Variants in FRMD3 observed in about 807,000 individuals in gnomAD.
FRMD3 encodes the protein FERM domain containing 3, also known as FERM domain-containing protein 3.
A neutral mutation model predicts 70.2 loss-of-function variants in FRMD3; 33 were observed. The ratio of observed to expected loss-of-function variants is 0.47; its 90% CI spans 0.36 to 0.63. FRMD3 has a LOEUF of 0.63. FRMD3 is among the 20% of genes least tolerant of loss of function. The probability of loss-of-function intolerance (pLI) is 0.00; values close to 1 mark genes in which losing one functional copy is unlikely to be tolerated. For synonymous variants in FRMD3, 279 were observed against 255.9 expected (o/e 1.09, Z -0.86); for missense variants, 632 against 711.4 (o/e 0.89, Z 1.27).
intron 3 of FRMD3, among the ~76,000 whole-genome samples, chr9:83,353,472 T>G (rs953542936): frequency 1.3e-5 from 2 of 152,096 alleles, no homozygotes; most frequent in Non-Finnish European, 2.9e-5. Flanking sequence ...TGCATGAGGG[T>G]ATAGAATAAT....
chr9:83,461,664 CCTTTTTTTTTTTTTTTTT>C lies in FRMD3; in HGVS notation c.148-71974_148-71957del, dbSNP rs1564088835. ...AAATCTTAATTCCTTCAGGAATTTCCCTTTTTTTTTTTTTTTTTTTTTTTTTTTTTTTTTTTTTTTTTG... is the reference window on the plus strand; with the variant it reads ...AAATCTTAATTCCTTCAGGAATTTCCTTTTTTTTTTTTTTTTTTTTTTTTG... On this transcript the variant is annotated intron_variant, in intron 1 of 13. Transcript: ENST00000304195. Among the ~76,000 whole-genome samples, 4 of 121,076 alleles carry C rather than the reference CCTTTTTTTTTTTTTTTTT, an allele frequency of 3.3e-5. No homozygotes were observed. In the South Asian group the frequency reaches 1.1e-3, roughly 33 times the overall value. 79.4% of individuals were successfully genotyped at this position (121,076 alleles called of 152,430 possible).
intron 6 of FRMD3, among the ~76,000 whole-genome samples, chr9:83,335,053 GA>G (rs1214686265): frequency 1.3e-5 from 2 of 152,116 alleles, no homozygotes; most frequent in Non-Finnish European, 2.9e-5. Flanking sequence ...TCGCAGGTGA[GA>G]AAAAGAGGAT....
chr9:83,549,391 T>A, the FRMD3 span, among the ~76,000 whole-genome samples: 1 of 152,202 alleles, frequency 6.6e-6, no homozygotes, highest in Non-Finnish European at 1.5e-5. Context: ...TCCTTGCTAT[T>A]GTGAACAGTA....
intron 6 of FRMD3, among the ~76,000 whole-genome samples, chr9:83,328,308 C>A (rs1242539259): frequency 1.3e-5 from 2 of 152,108 alleles, no homozygotes; most frequent in Admixed American, 6.5e-5. Flanking sequence ...TGTTGCCACA[C>A]AGAAGTCAGG....
At chr9:83,264,906 G>T (rs956181075) in intron 13 of FRMD3, among the ~76,000 whole-genome samples, 1 of 151,734 alleles carries the variant, frequency 6.6e-6, no homozygotes, top group Non-Finnish European at 1.5e-5. Flanking sequence ...TAGATACCAC[G>T]TGAAATTGCC....
At chr9:83,415,708 C>T (rs1051603288) in intron 1 of FRMD3, among the ~76,000 whole-genome samples, 2 of 149,582 alleles carry the variant, frequency 1.3e-5, no homozygotes, top group Non-Finnish European at 3.0e-5. Context: ...GATCCACCTG[C>T]CTCGGCCTCC....
Position 83,425,921 on chromosome 9 carries a change from A to AAC in FRMD3, c.148-36214_148-36213insGT, listed in dbSNP as rs1308159218. Reference sequence around the variant, plus strand: ...AAACTCCGTCTCAAAAAAAAAAAAAAAAAAAAACAACCTTCCTGGCCCTTG... The same window carrying AAC: ...AAACTCCGTCTCAAAAAAAAAAAAAAACAAAAAAACAACCTTCCTGGCCCTTG... On this transcript the variant is annotated intron_variant, in intron 1 of 13. Coordinates refer to ENST00000304195, the MANE Select transcript of FRMD3 (RefSeq NM_174938.6). Among the ~76,000 whole-genome samples, 231 of 151,170 alleles carry AAC rather than the reference A, an allele frequency of 1.5e-3. 2 individuals are homozygous for AAC. The highest frequency in any genetic ancestry group is 6.3e-3 in the Admixed American group (95 of 15,150).
intron 13 of FRMD3, among the ~76,000 whole-genome samples, chr9:83,286,361 C>T (rs1198558779): frequency 2.0e-5 from 3 of 151,116 alleles, no homozygotes; most frequent in East Asian, 1.9e-4. Flanking sequence ...GACAGAGTTT[C>T]GCTCTTGTTG....
chr9:83,331,361 A>G (rs951367891), intron 6 of FRMD3, among the ~76,000 whole-genome samples: 29 of 152,224 alleles, frequency 1.9e-4, no homozygotes, highest in Non-Finnish European at 1.5e-5. Context: ...AAGACTACAC[A>G]TTGTATGATT....
chr9:83,551,096 T>A, the FRMD3 span, among the ~76,000 whole-genome samples: 28 of 152,320 alleles, frequency 1.8e-4, 4 homozygotes, highest in African/African-American at 6.7e-4. Context: ...CCATTCCATA[T>A]AATGTTGGCT....
chr9:83,308,407 C>G (rs79192202), intron 10 of FRMD3, among the ~76,000 whole-genome samples: 2,044 of 152,278 alleles, frequency 0.013, 62 homozygotes, highest in African/African-American at 0.046. Context: ...CCATCATTCT[C>G]CTGATGGTTC....
At chr9:83,273,138 A>C in intron 13 of FRMD3, among the ~76,000 whole-genome samples, 1 of 152,200 alleles carries the variant, frequency 6.6e-6, no homozygotes, top group African/African-American at 2.4e-5. Context: ...GGTGTACCCA[A>C]CAGCTCATTG....
the FRMD3 span, among the ~76,000 whole-genome samples, chr9:83,584,802 T>G: frequency 6.6e-6 from 1 of 152,104 alleles, no homozygotes; most frequent in Non-Finnish European, 1.5e-5. Flanking sequence ...TGGGACTTGA[T>G]CTCTCTGTGC....
chr9:83,448,153 C>T (rs531684252), intron 1 of FRMD3, among the ~76,000 whole-genome samples: 359 of 152,318 alleles, frequency 2.4e-3, no homozygotes, highest in Non-Finnish European at 4.2e-3. Context: ...TCCCCTGCTG[C>T]ATCCTTCATG....
At chr9:83,345,478 C>G (rs1823924758) in intron 4 of FRMD3, among the ~76,000 whole-genome samples, 1 of 152,136 alleles carries the variant, frequency 6.6e-6, no homozygotes, top group Non-Finnish European at 1.5e-5. Flanking sequence ...TCCAGGGGGG[C>G]CGGGCATGGT....
chr9:83,323,623 T>C (rs1483912702), intron 6 of FRMD3, among the ~76,000 whole-genome samples: 3 of 152,190 alleles, frequency 2.0e-5, no homozygotes, highest in African/African-American at 7.2e-5. Flanking sequence ...CCTCACCAGA[T>C]GCAGTCCCCA....
At chr9:83,269,486 C>G (rs1402950291) in intron 13 of FRMD3, among the ~76,000 whole-genome samples, 2 of 152,154 alleles carry the variant, frequency 1.3e-5, no homozygotes, top group South Asian at 2.1e-4. Context: ...GCCGGCAGAT[C>G]ACTTGAGATC....
intron 1 of FRMD3, among the ~76,000 whole-genome samples, chr9:83,442,669 G>A (rs866708860): frequency 1.3e-5 from 2 of 151,628 alleles, no homozygotes; most frequent in Admixed American, 6.6e-5. Context: ...CCCCCTCCAC[G>A]ACCACCCCAC....
chr9:83,497,797 A>C (rs1828974210), intron 1 of FRMD3, among the ~76,000 whole-genome samples: 1 of 152,220 alleles, frequency 6.6e-6, no homozygotes, highest in Non-Finnish European at 1.5e-5. Context: ...ACTGCTCTTC[A>C]CAGTTGCCCG....
Sources: gnomAD v4.1 joint callset for allele counts (sites outside exome capture counted in the v4.1 genomes callset) on GRCh38, gnomAD v4.1.1 for gene constraint, MANE v1.5 for transcripts, NCBI Gene and HGNC (gene_info 2026-07-23, HGNC 2026-07-21) for gene names.